MTMR9: variants seen among roughly 807,000 people sequenced by gnomAD.
MTMR9 encodes the protein myotubularin-related protein 9.
MTMR9 carries 39 observed loss-of-function variants against 69.5 expected under a neutral mutation model. The ratio of observed to expected loss-of-function variants is 0.56; its 90% CI spans 0.43 to 0.73. The LOEUF is 0.73. MTMR9 is among the 30% of genes least tolerant of loss of function. The pLI is 0.00. For synonymous variants in MTMR9, 354 were observed against 240.8 expected (o/e 1.47, Z -4.35); for missense variants, 900 against 671.2 (o/e 1.34, Z -3.77).
chr8:11,316,139 C>G (rs1050771949), intron 7 of MTMR9: 1 of 152,160 alleles, frequency 6.6e-6, no homozygotes, highest in Non-Finnish European at 1.5e-5. Flanking sequence ...TAGAAAAGTA[C>G]TCATAAAGAT....
chr8:11,306,240 C>T lies in MTMR9; in HGVS notation c.642C>T (p.Cys214=), dbSNP rs775806134. ...TCACTGGTACAAACGGGAGGAGGTG[C>T]AAGGAGGACGAGAAGCTGATAAATG... is the stretch of plus-strand genomic sequence containing the variant. ...QPLTGTNGRR[C]KEDEKLINAT... The change falls in exon 5 of 10, where the codon TGC becomes TGT. Residue 214 remains cysteine, a synonymous_variant. Coordinates refer to ENST00000221086, the MANE Select transcript of MTMR9 (RefSeq NM_015458.4). 1 of 1,613,618 alleles carries T rather than the reference C, an allele frequency of 6.2e-7. No individual in the cohort carries two copies. The highest frequency in any genetic ancestry group is 1.3e-5 in the African/African-American group (1 of 74,984).
chr8:11,319,970 T>G, intron 9 of MTMR9, 132 bp downstream of exon 9: 5 of 790,340 alleles, frequency 6.3e-6, no homozygotes, highest in Non-Finnish European at 9.4e-6. Context: ...ATTGTCATTC[T>G]CAGTGTGGGC....
At chr8:11,303,300 G>T (rs187348735) in intron 3 of MTMR9, among the ~76,000 whole-genome samples, 1 of 151,256 alleles carries the variant, frequency 6.6e-6, no homozygotes, top group Admixed American at 6.6e-5. Context: ...CAGATCAATG[G>T]AGAGCCCTGT....
intron 8 of MTMR9, 174 bp from the exon 9 acceptor site, chr8:11,319,513 A>T (rs1800573066): frequency 3.1e-6 from 2 of 635,336 alleles, no homozygotes; most frequent in Non-Finnish European, 5.4e-6. Context: ...GAGAGTTCTA[A>T]TGCCGATTGA....
At chr8:11,298,546 C>T (rs1444990135) in intron 2 of MTMR9, among the ~76,000 whole-genome samples, 1 of 152,012 alleles carries the variant, frequency 6.6e-6, no homozygotes, top group Non-Finnish European at 1.5e-5. Flanking sequence ...GTCCGGTCTA[C>T]TATTGAATAG....
chr8:11,327,566 T>A lies in MTMR9; in HGVS notation c.*4778T>A, dbSNP rs1186008390. On this transcript the variant is annotated 3_prime_UTR_variant, in exon 10 of 10. Coordinates refer to ENST00000221086, the MANE Select transcript of MTMR9 (RefSeq NM_015458.4). ...TTAAAACCTTACTGATCTAATACCA[T>A]CTACACAAAAAAATGTTGTAGTTGC... 1.3e-5 allele frequency: 2 copies of A among 152,592 alleles called. No homozygotes were observed. Among genetic ancestry groups the A allele is most frequent in the Non-Finnish European group, 2.9e-5 (2 of 68,034 alleles). The allele number at this position is 152,592 out of a possible 1,614,324, so 9.5% of individuals were successfully genotyped here. A position where few individuals can be genotyped will look rare whatever the true frequency, so the allele number is the denominator to read the frequency against.
At chr8:11,298,326 C>G (rs1358664725) in intron 2 of MTMR9, among the ~76,000 whole-genome samples, 2 of 151,912 alleles carry the variant, frequency 1.3e-5, no homozygotes, top group Non-Finnish European at 2.9e-5. Flanking sequence ...TGGACGCTGG[C>G]TGTTCTGCTT....
intron 3 of MTMR9, among the ~76,000 whole-genome samples, chr8:11,304,483 G>A (rs116656278): frequency 3.0e-3 from 460 of 152,306 alleles, no homozygotes; most frequent in African/African-American, 0.011. Flanking sequence ...CACTAAGGAG[G>A]ATCAGCTGTC....
chr8:11,332,186 CAAAAA>C, downstream of MTMR9: 2 of 1,292,014 alleles, frequency 1.5e-6, no homozygotes, highest in Non-Finnish European at 2.1e-6. Flanking sequence ...AGACTGAAGA[CAAAAA>C]AAAAATAAAA....
chr8:11,323,782 AT>A lies in MTMR9; in HGVS notation c.*995del, dbSNP rs1800800245. ...TCCTAATACTAAGGTTAAAATTTTC[AT>A]GTTGACCTGAGCCTTTTGCAAATTT... On this transcript the variant is annotated 3_prime_UTR_variant, in exon 10 of 10. Coordinates refer to ENST00000221086, the MANE Select transcript of MTMR9 (RefSeq NM_015458.4). 1 of 152,144 alleles carries A rather than the reference AT, an allele frequency of 6.6e-6. No individual in the cohort carries two copies. Among genetic ancestry groups the A allele is most frequent in the Non-Finnish European group, 1.5e-5 (1 of 68,030 alleles). 9.4% of individuals were successfully genotyped at this position (152,144 alleles called of 1,614,324 possible).
intron 1 of MTMR9, among the ~76,000 whole-genome samples, chr8:11,286,193 C>G (rs183088626): frequency 2.9e-3 from 439 of 151,794 alleles, no homozygotes; most frequent in African/African-American, 0.01. Flanking sequence ...ACCTCGCAAT[C>G]CTCCCGCCTA....
In MTMR9 at chr8:11,322,718, C is replaced by G. The variant is rs781313102; in HGVS notation, c.1580C>G (p.Ala527Gly). ...ATTGAATATAATAAAGAATTACAAG[C>G]AAAAGTCAATATCCTTCGAAGGCAG... is the stretch of plus-strand genomic sequence containing the variant. ...NIIEYNKELQ[A>G]KVNILRRQLA... Residue 527 changes from alanine (A) to glycine (G), a missense_variant, in exon 10 of 10, where the codon GCA (alanine) becomes GGA (glycine). By Grantham distance (60) the Ala-to-Gly change is moderately conservative (BLOSUM62 0). Coordinates refer to ENST00000221086, the MANE Select transcript of MTMR9 (RefSeq NM_015458.4). 1 of 1,613,958 alleles carries G rather than the reference C, an allele frequency of 6.2e-7. No individual in the cohort carries two copies. The highest frequency in any genetic ancestry group is 8.5e-7 in the Non-Finnish European group (1 of 1,179,918).
At chr8:11,321,311 C>A in intron 9 of MTMR9, 1 of 405,196 alleles carries the variant, frequency 2.5e-6, no homozygotes, top group Non-Finnish European at 5.0e-6. Flanking sequence ...TCGTCACAGT[C>A]AGTACAGGGT....
At chr8:11,331,669 A>G (rs183487985), downstream of MTMR9, 4 of 1,611,944 alleles carry the variant, frequency 2.5e-6, no homozygotes, top group Non-Finnish European at 3.4e-6. Context: ...ACAGGTGTCT[A>G]CACCACCCTG....
At chr8:11,307,537 G>A (rs761851870) in intron 5 of MTMR9, among the ~76,000 whole-genome samples, 5 of 152,102 alleles carry the variant, frequency 3.3e-5, no homozygotes, top group Non-Finnish European at 5.9e-5. Context: ...TCCTGATTTC[G>A]TTTCCGATAT....
At chr8:11,285,589 CA>C (rs1333179608) in intron 1 of MTMR9, among the ~76,000 whole-genome samples, 1 of 152,150 alleles carries the variant, frequency 6.6e-6, no homozygotes, top group African/African-American at 2.4e-5. Flanking sequence ...ATTTAATTCT[CA>C]CTAAGGGAGA....
At chr8:11,318,104 GTGTT>G (rs1173689507) in intron 8 of MTMR9, 2 of 152,208 alleles carry the variant, frequency 1.3e-5, no homozygotes, top group African/African-American at 2.4e-5. Flanking sequence ...TTTAAGAAAT[GTGTT>G]TGATGATGAA....
chr8:11,304,761 C>A, intron 3 of MTMR9, 80 bp from the exon 4 acceptor site: 1 of 1,442,766 alleles, frequency 6.9e-7, no homozygotes, highest in African/African-American at 1.4e-5. Flanking sequence ...AAGTTGACCT[C>A]TAAGGTCTTT....
downstream of MTMR9, chr8:11,332,176 A>T (rs1365138820): frequency 6.4e-7 from 1 of 1,574,086 alleles, no homozygotes; most frequent in African/African-American, 1.4e-5. Flanking sequence ...ATAAAGACAA[A>T]GACTGAAGAC....
Sources: allele counts gnomAD v4.1 joint callset (sites outside exome capture counted in the v4.1 genomes callset), GRCh38; gene constraint gnomAD v4.1.1; transcripts MANE v1.5; gene names NCBI Gene and HGNC (gene_info 2026-07-23, HGNC 2026-07-21).